Variants in LRRC74B observed in about 807,000 individuals in gnomAD.
LRRC74B encodes leucine rich repeat containing 74B, also known as leucine-rich repeat-containing protein 74B.
LRRC74B carries 30 observed loss-of-function variants against 16.6 expected under a neutral mutation model. The observed-to-expected ratio is 1.80, with a 90% confidence interval of 1.35 to 2.45. The LOEUF (loss-of-function observed/expected upper bound fraction) is 2.45, where lower values mean the gene tolerates loss of function less well. Among genes scored for constraint, LRRC74B ranks in the 30% most tolerant of loss-of-function variants. The pLI is 0.00. For synonymous variants in LRRC74B, 134 were observed against 86.0 expected (o/e 1.56, Z -3.09); for missense variants, 326 against 202.4 (o/e 1.61, Z -3.71).
chr22:21,060,993 C>G (rs1259411894), downstream of LRRC74B, among the ~76,000 whole-genome samples: 1 of 152,116 alleles, frequency 6.6e-6, no homozygotes, highest in East Asian at 1.9e-4. Context: ...CTAATGTGCT[C>G]TAGAGAAATA....
downstream of LRRC74B, chr22:21,064,098 G>A (rs1930929891): frequency 6.6e-6 from 1 of 152,610 alleles, no homozygotes; most frequent in African/African-American, 2.4e-5. Context: ...AAGGCATTTT[G>A]TTCCTGACTA....
intron 4 of LRRC74B, 73 bp from the exon 5 acceptor site, chr22:21,052,176 C>T: frequency 1.4e-6 from 1 of 705,654 alleles, no homozygotes; most frequent in Non-Finnish European, 2.7e-6. Flanking sequence ...GCTCGGCACG[C>T]AGTGGGCATC....
chr22:21,061,450 A>G (rs554143732), downstream of LRRC74B, among the ~76,000 whole-genome samples: 54 of 152,388 alleles, frequency 3.5e-4, no homozygotes, highest in African/African-American at 1.1e-3. Context: ...AGAACACTTA[A>G]CCATTCATGA....
downstream of LRRC74B, chr22:21,062,141 A>C (rs1274746718): frequency 2.0e-5 from 3 of 152,216 alleles, no homozygotes; most frequent in Non-Finnish European, 4.4e-5. Context: ...TTTATGTGAA[A>C]CATCCGGAGT....
chr22:21,049,852 G>A (rs1012992749), intron 4 of LRRC74B, among the ~76,000 whole-genome samples: 7 of 152,076 alleles, frequency 4.6e-5, no homozygotes, highest in Admixed American at 4.6e-4. Context: ...AGCATATTCA[G>A]GAGCTGTCTG....
intron 7 of LRRC74B, among the ~76,000 whole-genome samples, chr22:21,055,946 C>T (rs1930490910): frequency 6.6e-6 from 1 of 152,120 alleles, no homozygotes; most frequent in Admixed American, 6.5e-5. Context: ...GTGGGGGGCT[C>T]CTTCTTCCTT....
rs71188205 is a variant in LRRC74B, at chr22:21,050,777, CA to C, written c.623-1448del. Among the ~76,000 whole-genome samples, 817 of 104,090 alleles carry C rather than the reference CA, an allele frequency of 7.8e-3. 5 individuals carry two copies. Among genetic ancestry groups the C allele is most frequent in the African/African-American group, 0.032 (710 of 21,964 alleles). 68.3% of individuals were successfully genotyped at this position (104,090 alleles called of 152,430 possible). On this transcript the variant is annotated intron_variant, in intron 4 of 8. Coordinates refer to ENST00000442047, the Ensembl canonical transcript of LRRC74B. Reference sequence around the variant, plus strand: ...TGGGCGAAAGAGCGAGACTCTGTCTCAAAAAAAAAAAAAAAAAAAAAAAAGT... The same window carrying C: ...TGGGCGAAAGAGCGAGACTCTGTCTCAAAAAAAAAAAAAAAAAAAAAAAGT...
chr22:21,059,437 C>T (rs1381843235), intron 8 of LRRC74B, among the ~76,000 whole-genome samples: 1 of 151,916 alleles, frequency 6.6e-6, no homozygotes, highest in Non-Finnish European at 1.5e-5. Flanking sequence ...TGGTGCTCAC[C>T]TGTAACCTCA....
chr22:21,055,906 C>T (rs75784861), intron 7 of LRRC74B, among the ~76,000 whole-genome samples: 2,734 of 152,210 alleles, frequency 0.018, 70 homozygotes, highest in African/African-American at 0.062. Flanking sequence ...CCAACCTGAA[C>T]GCATACCCCC....
chr22:21,048,054 C>T (rs1403161497), intron 3 of LRRC74B, 38 bp downstream of exon 3: 2 of 715,942 alleles, frequency 2.8e-6, no homozygotes, highest in South Asian at 1.5e-5. Flanking sequence ...CAGGCGTGTC[C>T]TCCTTTTCCT....
chr22:21,060,627 T>C (rs1360955943), downstream of LRRC74B: 1 of 623,810 alleles, frequency 1.6e-6, no homozygotes. Context: ...GTGTCTGCAC[T>C]GAGTCCTCAC....
chr22:21,052,999 C>T (rs1301615680), intron 5 of LRRC74B, among the ~76,000 whole-genome samples: 1 of 152,238 alleles, frequency 6.6e-6, no homozygotes, highest in Non-Finnish European at 1.5e-5. Flanking sequence ...AACAGCTGTT[C>T]ACTGGATCTT....
chr22:21,061,752 T>TTTC (rs1455155121), downstream of LRRC74B: 1 of 152,198 alleles, frequency 6.6e-6, no homozygotes, highest in Non-Finnish European at 1.5e-5. Context: ...TGAAGACATA[T>TTTC]GTCCCCACAA....
exon 6 of LRRC74B, chr22:21,053,445 C>T: frequency 1.4e-6 from 1 of 717,220 alleles, no homozygotes; most frequent in Admixed American, 2.0e-5. Flanking sequence ...GCTCTGAAGG[C>T]CAACAACGTG....
chr22:21,060,619 G>A (rs556333493), downstream of LRRC74B: 71 of 630,110 alleles, frequency 1.1e-4, no homozygotes, highest in African/African-American at 9.3e-4. Flanking sequence ...TACCACTTGT[G>A]TCTGCACTGA....
chr22:21,062,126 C>T (rs548718553), downstream of LRRC74B: 1 of 152,246 alleles, frequency 6.6e-6, no homozygotes, highest in African/African-American at 2.4e-5. Flanking sequence ...TGTCGCATGA[C>T]CGCATTTATG....
chr22:21,048,439 A>C (rs1160823390), intron 3 of LRRC74B: 1 of 275,706 alleles, frequency 3.6e-6, no homozygotes, highest in African/African-American at 2.2e-5. Flanking sequence ...TACCTGGGCA[A>C]GCAGCTTAAC....
At chr22:21,047,597 C>T (rs953697505) in intron 2 of LRRC74B, 99 bp downstream of exon 2, 1 of 654,034 alleles carries the variant, frequency 1.5e-6, no homozygotes. Context: ...CACTCCCCAG[C>T]TTCTGCCTGT....
rs1214961765 is a variant in LRRC74B, at chr22:21,046,137, A to T, written c.139+12A>T. 2.8e-6 allele frequency: 2 copies of T among 715,744 alleles called. No homozygotes were observed. Among genetic ancestry groups the T allele is most frequent in the African/African-American group, 3.5e-5 (2 of 57,168 alleles). 44.3% of individuals were successfully genotyped at this position (715,744 alleles called of 1,614,324 possible). A position where few individuals can be genotyped will look rare whatever the true frequency, so the allele number is the denominator to read the frequency against. On this transcript the variant is annotated intron_variant, in intron 1 of 8. Transcript: ENST00000442047. ...CCTGGAGACGGAAGGTGCTCGGGGG[A>T]GGGGGCAGGCCCGACTCCTCCCCTT... is the stretch of plus-strand genomic sequence containing the variant.
Sources: gnomAD v4.1 joint callset for allele counts (sites outside exome capture counted in the v4.1 genomes callset) on GRCh38, gnomAD v4.1.1 for gene constraint, MANE v1.5 for transcripts, NCBI Gene and HGNC (gene_info 2026-07-23, HGNC 2026-07-21) for gene names.